The following WBP1L variants were observed in gnomAD, a reference collection of about 807,000 sequenced individuals.
WBP1L encodes the protein WW domain binding protein 1-like.
WBP1L carries 17 observed loss-of-function variants against 33.7 expected under a neutral mutation model. The ratio of observed to expected loss-of-function variants is 0.50; its 90% CI spans 0.34 to 0.76. The LOEUF (loss-of-function observed/expected upper bound fraction) is 0.76, where lower values mean the gene tolerates loss of function less well. Ranked by LOEUF, WBP1L falls within the 30% of genes least tolerant of loss-of-function variation. The probability of loss-of-function intolerance (pLI) is 0.01; values close to 1 mark genes in which losing one functional copy is unlikely to be tolerated. For missense variants in WBP1L, 389 were observed against 469.4 expected, an observed-to-expected ratio of 0.83 and a Z score of 1.58; for synonymous variants, 173 against 190.8, an observed-to-expected ratio of 0.91 and a Z score of 0.77.
In WBP1L at chr10:102,744,052, G is replaced by C. The variant is rs1163963593; in HGVS notation, c.-2G>C. 2 of 1,550,290 alleles carry C rather than the reference G, an allele frequency of 1.3e-6. No homozygotes were observed. Among genetic ancestry groups the C allele is most frequent in the South Asian group, 1.2e-5 (1 of 83,962 alleles). ...TGGCGGAGGAGCAGGAGCAGGAGGGGGATGGAGAGGAGAAGGCTCCTGGGT... is the reference window on the plus strand; with the variant it reads ...TGGCGGAGGAGCAGGAGCAGGAGGGCGATGGAGAGGAGAAGGCTCCTGGGT... On this transcript the variant is annotated 5_prime_UTR_variant, in exon 1 of 4. Coordinates refer to ENST00000448841, the MANE Select transcript of WBP1L (RefSeq NM_001083913.2).
rs899369213 is a variant in WBP1L, at chr10:102,798,168, G to C, written c.193+73G>C. The C allele has an allele frequency of 3.0e-6, 4 of 1,326,438 alleles. No homozygotes were observed. In the South Asian group the frequency reaches 4.8e-5, roughly 16 times the overall value. The allele number at this position is 1,326,438 out of a possible 1,614,324, so 82.2% of individuals were successfully genotyped here. On this transcript the variant is annotated intron_variant, in intron 2 of 3. Coordinates refer to ENST00000448841, the MANE Select transcript of WBP1L (RefSeq NM_001083913.2). ...TGCCTCTGCTTAGTGGGAAACTCTG[G>C]GCATTAGCCCTTTTCGGATTCTCTT...
At chr10:102,779,679 A>T (rs1235958461) in intron 1 of WBP1L, among the ~76,000 whole-genome samples, 3 of 134,830 alleles carry the variant, frequency 2.2e-5, no homozygotes, top group Non-Finnish European at 3.4e-5. Context: ...GGTGTTTCTG[A>T]TCCCGGTTGT....
intron 1 of WBP1L, among the ~76,000 whole-genome samples, chr10:102,766,390 G>A (rs1441504822): frequency 1.4e-5 from 2 of 140,470 alleles, no homozygotes; most frequent in Admixed American, 7.7e-5. Flanking sequence ...GCAGTTAGCT[G>A]AGATCGCACC....
intron 1 of WBP1L, chr10:102,776,136 CG>C: frequency 7.3e-7 from 1 of 1,377,034 alleles, no homozygotes; most frequent in Non-Finnish European, 9.4e-7. Flanking sequence ...CAGACAGCTT[CG>C]GCTTTGCTGC....
At chr10:102,749,935 C>T (rs1188387689) in intron 1 of WBP1L, among the ~76,000 whole-genome samples, 2 of 151,718 alleles carry the variant, frequency 1.3e-5, no homozygotes, top group African/African-American at 2.4e-5. Flanking sequence ...TGCCACCATG[C>T]CTGGGTAATT....
intron 2 of WBP1L, among the ~76,000 whole-genome samples, chr10:102,806,212 AAAAT>A (rs1189315435): frequency 4.8e-5 from 7 of 145,900 alleles, no homozygotes; most frequent in South Asian, 2.2e-4. Flanking sequence ...CCTGTCTCAA[AAAAT>A]AAATAAATAA....
At chr10:102,801,382 A>T (rs1315849642) in intron 2 of WBP1L, among the ~76,000 whole-genome samples, 1 of 152,172 alleles carries the variant, frequency 6.6e-6, no homozygotes, top group Non-Finnish European at 1.5e-5. Flanking sequence ...CCGAAAACAC[A>T]CACTTCTGGG....
At chr10:102,773,262 C>T (rs1249619257) in intron 1 of WBP1L, among the ~76,000 whole-genome samples, 2 of 152,178 alleles carry the variant, frequency 1.3e-5, no homozygotes, top group Non-Finnish European at 2.9e-5. Flanking sequence ...GCTTAGTGAA[C>T]GTTAGTGAGG....
chr10:102,743,970 G>A lies in WBP1L; in HGVS notation c.-84G>A, dbSNP rs771833723. ...AGCGTCAAACAGGAAAAGAAGGGAAGAAGGAAGAAGAGGGTAGAGGAGGAG... is the reference window on the plus strand; with the variant it reads ...AGCGTCAAACAGGAAAAGAAGGGAAAAAGGAAGAAGAGGGTAGAGGAGGAG... On this transcript the variant is annotated 5_prime_UTR_variant, in exon 1 of 4. Transcript: ENST00000448841. The A allele has an allele frequency of 1.4e-4, 154 of 1,070,942 alleles. No individual in the cohort carries two copies. Among genetic ancestry groups the A allele is most frequent in the Admixed American group, 4.3e-4 (17 of 39,860 alleles). The allele number at this position is 1,070,942 out of a possible 1,614,324, so 66.3% of individuals were successfully genotyped here.
At chr10:102,776,113 A>G (rs978134143) in intron 1 of WBP1L, 15 of 1,332,128 alleles carry the variant, frequency 1.1e-5, no homozygotes, top group Non-Finnish European at 1.4e-5. Context: ...AACTGATGTC[A>G]TTTCCCCCTT....
intron 3 of WBP1L, 131 bp from the exon 4 acceptor site, chr10:102,812,464 A>C: frequency 2.7e-5 from 30 of 1,110,410 alleles, no homozygotes; most frequent in Middle Eastern, 2.3e-4. Context: ...CTCACAACCA[A>C]GAGCTGTAGC....
intron 1 of WBP1L, chr10:102,746,174 G>A: frequency 1.0e-6 from 1 of 985,350 alleles, no homozygotes; most frequent in Non-Finnish European, 1.2e-6. Flanking sequence ...AGCCTGGGAG[G>A]TGTTGTGAAC....
chr10:102,799,597 G>A lies in WBP1L; in HGVS notation c.193+1502G>A, dbSNP rs140340221. ...GAGGCCCCAGGTGACTGACATTGCC[G>A]TAGTTCTTACAATTGTCTCTTGAGA... On this transcript the variant is annotated intron_variant, in intron 2 of 3. Coordinates refer to ENST00000448841, the MANE Select transcript of WBP1L (RefSeq NM_001083913.2). Among the ~76,000 whole-genome samples, 11 of 152,262 alleles carry A rather than the reference G, an allele frequency of 7.2e-5. No homozygotes were observed. In the East Asian group the frequency reaches 1.9e-3, roughly 27 times the overall value.
At chr10:102,748,872 G>T (rs776458011) in intron 1 of WBP1L, among the ~76,000 whole-genome samples, 2 of 152,252 alleles carry the variant, frequency 1.3e-5, no homozygotes, top group African/African-American at 4.8e-5. Flanking sequence ...ATTTGTTCAG[G>T]ACTTTAAAGG....
chr10:102,748,887 T>C (rs1339895068), intron 1 of WBP1L, among the ~76,000 whole-genome samples: 2 of 152,230 alleles, frequency 1.3e-5, no homozygotes, highest in Non-Finnish European at 2.9e-5. Context: ...TAAAGGTTGA[T>C]AAGCATGGGT....
At chr10:102,809,772 A>G in intron 2 of WBP1L, 121 bp from the exon 3 acceptor site, 1 of 1,095,004 alleles carries the variant, frequency 9.1e-7, no homozygotes, top group Non-Finnish European at 1.3e-6. Flanking sequence ...TAACTGGGTG[A>G]GGCCCAGCCA....
chr10:102,783,812 A>G (rs1489483016), intron 1 of WBP1L, among the ~76,000 whole-genome samples: 8 of 152,218 alleles, frequency 5.3e-5, no homozygotes, highest in Admixed American at 5.2e-4. Context: ...AGTAGGGCTA[A>G]GGTGGAGAAA....
At chr10:102,763,293 C>CT (rs1427578684) in intron 1 of WBP1L, among the ~76,000 whole-genome samples, 2 of 151,116 alleles carry the variant, frequency 1.3e-5, no homozygotes, top group Admixed American at 1.3e-4. Context: ...GTTAGAGAGT[C>CT]TGTGCTGCTC....
chr10:102,749,742 G>A (rs1021610523), intron 1 of WBP1L, among the ~76,000 whole-genome samples: 8 of 151,876 alleles, frequency 5.3e-5, no homozygotes, highest in Admixed American at 4.6e-4. Context: ...GATTGCAGGC[G>A]TGAGCCACTG....
Sources: allele counts gnomAD v4.1 joint callset (sites outside exome capture counted in the v4.1 genomes callset), GRCh38; gene constraint gnomAD v4.1.1; transcripts MANE v1.5; gene names NCBI Gene and HGNC (gene_info 2026-07-23, HGNC 2026-07-21).